Variants in TBC1D22A observed in about 807,000 individuals in gnomAD.
TBC1D22A encodes the protein putative GTPase activator.
Under a neutral mutation model 60.2 loss-of-function variants are expected in TBC1D22A, and 38 were observed. The ratio of observed to expected loss-of-function variants is 0.63; its 90% confidence interval spans 0.49 to 0.83. The LOEUF (loss-of-function observed/expected upper bound fraction) is 0.83, where lower values mean the gene tolerates loss of function less well. Among genes scored for constraint, TBC1D22A ranks in the 40% least tolerant of loss-of-function variants. The pLI, the probability that TBC1D22A is intolerant of heterozygous loss-of-function variation, is 0.00. For missense variants in TBC1D22A, 628 were observed against 701.0 expected (o/e 0.90, Z 1.18); for synonymous variants, 302 against 281.7 (o/e 1.07, Z -0.72).
intron 11 of TBC1D22A, among the ~76,000 whole-genome samples, chr22:47,083,786 T>C (rs1723316261): frequency 6.6e-6 from 1 of 152,102 alleles, no homozygotes; most frequent in South Asian, 2.1e-4. Context: ...CTTGAAGAAG[T>C]ACTCAACATT....
intron 11 of TBC1D22A, among the ~76,000 whole-genome samples, chr22:47,100,688 G>A (rs2065380205): frequency 6.6e-6 from 1 of 152,136 alleles, no homozygotes; most frequent in African/African-American, 2.4e-5. Context: ...TTTTCCTTCC[G>A]CCATGATTGT....
intron 4 of TBC1D22A, among the ~76,000 whole-genome samples, chr22:46,803,586 A>C (rs1356571424): frequency 1.3e-5 from 2 of 152,200 alleles, no homozygotes; most frequent in African/African-American, 4.8e-5. Flanking sequence ...ACAGCAGGGC[A>C]CGTTGGCCTT....
At chr22:46,993,707 G>A (rs905895182) in intron 9 of TBC1D22A, among the ~76,000 whole-genome samples, 5 of 152,206 alleles carry the variant, frequency 3.3e-5, no homozygotes, top group African/African-American at 7.2e-5. Context: ...GGGCCTGGGC[G>A]GTCAGTGCCT....
intron 4 of TBC1D22A, among the ~76,000 whole-genome samples, chr22:46,847,322 C>T (rs1029173878): frequency 2.6e-5 from 4 of 152,200 alleles, no homozygotes; most frequent in Admixed American, 1.3e-4. Context: ...GGCCAGAATA[C>T]ACCTTTTCGG....
At chr22:46,774,235 G>A (rs2083605698) in intron 1 of TBC1D22A, 1 of 985,636 alleles carries the variant, frequency 1.0e-6, no homozygotes. Flanking sequence ...TCTGGAGTGA[G>A]GTGAGCAGCT....
At chr22:46,846,246 T>A (rs2086986161) in intron 4 of TBC1D22A, among the ~76,000 whole-genome samples, 1 of 152,206 alleles carries the variant, frequency 6.6e-6, no homozygotes, top group Non-Finnish European at 1.5e-5. Flanking sequence ...AGGCAATAGC[T>A]GTTGTGATCT....
intron 5 of TBC1D22A, among the ~76,000 whole-genome samples, chr22:46,888,707 A>G (rs2068243350): frequency 6.6e-6 from 1 of 152,024 alleles, no homozygotes; most frequent in Non-Finnish European, 1.5e-5. Flanking sequence ...ACAAGGAGAA[A>G]AGCCTTTTCT....
intron 4 of TBC1D22A, among the ~76,000 whole-genome samples, chr22:46,835,814 A>G (rs539348670): frequency 1.1e-4 from 16 of 152,350 alleles, no homozygotes; most frequent in African/African-American, 3.8e-4. Context: ...TCAAAGACAA[A>G]CAGAATTTGG....
intron 10 of TBC1D22A, among the ~76,000 whole-genome samples, chr22:47,005,313 C>T: frequency 6.6e-6 from 1 of 151,316 alleles, no homozygotes; most frequent in South Asian, 2.1e-4. Flanking sequence ...TACAGGTACC[C>T]CCTACACACA....
chr22:47,050,889 G>C (rs965908892), intron 11 of TBC1D22A, among the ~76,000 whole-genome samples: 9 of 152,032 alleles, frequency 5.9e-5, no homozygotes, highest in Non-Finnish European at 1.2e-4. Context: ...CTGGGTGGCA[G>C]CTTCTGCTCA....
At chr22:46,985,467 T>C (rs1441984098) in intron 9 of TBC1D22A, among the ~76,000 whole-genome samples, 2 of 152,206 alleles carry the variant, frequency 1.3e-5, no homozygotes, top group Non-Finnish European at 2.9e-5. Flanking sequence ...GTCACTGGGC[T>C]CTGACAGAAG....
chr22:47,093,731 T>G (rs1473839776), intron 11 of TBC1D22A, among the ~76,000 whole-genome samples: 1 of 152,194 alleles, frequency 6.6e-6, no homozygotes. Flanking sequence ...GTCATCACTG[T>G]AATGGTTAAT....
intron 9 of TBC1D22A, among the ~76,000 whole-genome samples, chr22:46,997,386 G>A (rs1019448413): frequency 6.6e-6 from 1 of 152,220 alleles, no homozygotes; most frequent in African/African-American, 2.4e-5. Flanking sequence ...GTACCATTCA[G>A]TGTTCCCTGA....
In TBC1D22A at chr22:46,793,556, A is replaced by G; in HGVS notation, c.175A>G (p.Ser59Gly). The change falls in exon 3 of 13, where the codon AGC (serine) becomes GGC (glycine). Residue 59 changes from serine (S) to glycine (G), a missense_variant. Ser to Gly is a moderately conservative substitution (Grantham distance 56). Coordinates refer to ENST00000337137, the MANE Select transcript of TBC1D22A (RefSeq NM_014346.5). Reference protein sequence around the residue: ...PTTPVKAKRVSTFQEFESNTS... With the variant: ...PTTPVKAKRVGTFQEFESNTS... ...CACACCAGTGAAGGCCAAGAGGGTC[A>G]GCACCTTCCAGGAGTTTGAGAGCAA... 12 of 1,614,182 alleles carry G rather than the reference A, an allele frequency of 7.4e-6. No individual in the cohort carries two copies. Among genetic ancestry groups the G allele is most frequent in the Non-Finnish European group, 1.0e-5 (12 of 1,180,050 alleles).
chr22:46,862,228 C>T (rs1224227012), intron 4 of TBC1D22A, among the ~76,000 whole-genome samples: 1 of 152,200 alleles, frequency 6.6e-6, no homozygotes, highest in East Asian at 1.9e-4. Flanking sequence ...AGCTTTTGTT[C>T]CCCAGCTCCA....
At chr22:47,050,937 G>A (rs568706469) in intron 11 of TBC1D22A, among the ~76,000 whole-genome samples, 2 of 152,326 alleles carry the variant, frequency 1.3e-5, no homozygotes, top group Admixed American at 1.3e-4. Flanking sequence ...ACACCAATGC[G>A]GTGGAGGGAG....
At chr22:46,904,474 A>ATTT (rs34401577) in intron 7 of TBC1D22A, among the ~76,000 whole-genome samples, 42,610 of 146,750 alleles carry the variant, frequency 0.29, 6,738 homozygotes, top group East Asian at 0.61. Context: ...TGAAAAACGA[A>ATTT]TTTTTTTTTT....
At chr22:46,977,597 G>C (rs1027137914) in intron 9 of TBC1D22A, among the ~76,000 whole-genome samples, 1 of 152,204 alleles carries the variant, frequency 6.6e-6, no homozygotes, top group Non-Finnish European at 1.5e-5. Flanking sequence ...TGATTGGTCT[G>C]TTCTCGCACT....
At chr22:47,061,488 A>C (rs1425727067) in intron 11 of TBC1D22A, among the ~76,000 whole-genome samples, 1 of 151,988 alleles carries the variant, frequency 6.6e-6, no homozygotes, top group African/African-American at 2.4e-5. Flanking sequence ...CCCTTGCTAC[A>C]CGAGCAGCTC....
Sources: gnomAD v4.1 joint callset for allele counts (sites outside exome capture counted in the v4.1 genomes callset) on GRCh38, gnomAD v4.1.1 for gene constraint, MANE v1.5 for transcripts, NCBI Gene and HGNC (gene_info 2026-07-23, HGNC 2026-07-21) for gene names.